Variants in ANKS1B observed in about 807,000 individuals in gnomAD.
ANKS1B encodes the protein ankyrin repeat and sterile alpha motif domain containing 1B, also known as ankyrin repeat and sterile alpha motif domain-containing protein 1B.
ANKS1B carries 36 observed loss-of-function variants against 148.3 expected under a neutral mutation model. The observed-to-expected ratio is 0.24, with a 90% CI of 0.19 to 0.32. ANKS1B has a LOEUF of 0.32. Among genes scored for constraint, ANKS1B ranks in the 10% least tolerant of loss-of-function variants. ANKS1B has a pLI of 1.00. For synonymous variants in ANKS1B, 542 were observed against 560.8 expected, an observed-to-expected ratio of 0.97 and a Z score of 0.47; for missense variants, 1,157 against 1,542.6, an observed-to-expected ratio of 0.75 and a Z score of 4.19.
chr12:99,534,191 T>C (rs1447824514), intron 9 of ANKS1B, among the ~76,000 whole-genome samples: 7 of 152,172 alleles, frequency 4.6e-5, no homozygotes, highest in Admixed American at 1.3e-4. Flanking sequence ...TATGAAAATA[T>C]GTTTTGGTAT....
intron 12 of ANKS1B, among the ~76,000 whole-genome samples, chr12:99,348,884 G>A (rs180928111): frequency 7.2e-4 from 110 of 152,008 alleles, no homozygotes; most frequent in Admixed American, 1.4e-3. Flanking sequence ...AACTACATAG[G>A]TGAATATAAC....
At chr12:99,494,508 C>T (rs113366944) in intron 10 of ANKS1B, among the ~76,000 whole-genome samples, 30,075 of 151,528 alleles carry the variant, frequency 0.2, 3,191 homozygotes, top group African/African-American at 0.28. Flanking sequence ...CCGAGGTGGG[C>T]GGGTTACGAG....
intron 8 of ANKS1B, among the ~76,000 whole-genome samples, chr12:99,685,533 G>C (rs1336376052): frequency 6.6e-6 from 1 of 152,106 alleles, no homozygotes; most frequent in Non-Finnish European, 1.5e-5. Context: ...AGTCCTTAAA[G>C]AACTAAAAGT....
At chr12:99,495,044 T>C (rs950864762) in intron 10 of ANKS1B, among the ~76,000 whole-genome samples, 1 of 152,016 alleles carries the variant, frequency 6.6e-6, no homozygotes, top group Non-Finnish European at 1.5e-5. Context: ...TATCTCAGGA[T>C]TGAGGAAAGC....
chr12:99,587,781 T>C (rs1325978203), intron 9 of ANKS1B, among the ~76,000 whole-genome samples: 2 of 152,268 alleles, frequency 1.3e-5, no homozygotes, highest in East Asian at 1.9e-4. Context: ...ATACCATAAG[T>C]AGTTTTACAT....
Position 98,745,048 on chromosome 12 carries a change from TTAATACAAGACACATTTTGCTG to T in ANKS1B, c.*669_*690del. 1 of 985,180 alleles carries T rather than the reference TTAATACAAGACACATTTTGCTG, an allele frequency of 1.0e-6. No homozygotes were observed. The highest frequency in any genetic ancestry group is 1.2e-6 in the Non-Finnish European group (1 of 829,332). 61.0% of individuals were successfully genotyped at this position (985,180 alleles called of 1,614,324 possible). On this transcript the variant is annotated 3_prime_UTR_variant, in exon 27 of 27. Transcript: ENST00000683438. Reference sequence around the variant, plus strand: ...TGAAACATTCTTTTAATAAAAATATTTAATACAAGACACATTTTGCTGTGCATAATAAATTCCTCTGCTTTGA... The same window carrying T: ...TGAAACATTCTTTTAATAAAAATATTTGCATAATAAATTCCTCTGCTTTGA...
At chr12:99,592,251 T>C (rs2097710154) in intron 9 of ANKS1B, among the ~76,000 whole-genome samples, 1 of 152,156 alleles carries the variant, frequency 6.6e-6, no homozygotes, top group Non-Finnish European at 1.5e-5. Context: ...GAAATGCTCT[T>C]TATTTTGCCA....
chr12:98,974,322 G>A (rs1282401072), intron 17 of ANKS1B, among the ~76,000 whole-genome samples: 1 of 152,036 alleles, frequency 6.6e-6, no homozygotes, highest in African/African-American at 2.4e-5. Flanking sequence ...TGAATGATTG[G>A]GGAAACTTAC....
intron 15 of ANKS1B, among the ~76,000 whole-genome samples, chr12:99,133,303 T>C (rs1021840612): frequency 3.3e-5 from 5 of 152,156 alleles, no homozygotes; most frequent in African/African-American, 1.2e-4. Context: ...TCCACCTGCC[T>C]CGGCCTCCCA....
chr12:99,785,990 A>T (rs150797445), intron 4 of ANKS1B, among the ~76,000 whole-genome samples: 1 of 152,222 alleles, frequency 6.6e-6, no homozygotes, highest in African/African-American at 2.4e-5. Flanking sequence ...TTCGGCTCTT[A>T]AGAAAATATT....
intron 8 of ANKS1B, among the ~76,000 whole-genome samples, chr12:99,761,959 A>C (rs2062166215): frequency 6.6e-6 from 1 of 152,020 alleles, no homozygotes; most frequent in African/African-American, 2.4e-5. Context: ...ACACACAAAA[A>C]ACGAAATACC....
intron 8 of ANKS1B, among the ~76,000 whole-genome samples, chr12:99,730,655 T>C (rs1423380289): frequency 1.3e-5 from 2 of 152,144 alleles, no homozygotes; most frequent in East Asian, 1.9e-4. Flanking sequence ...TATCCTTCCA[T>C]AGGATTACTC....
intron 25 of ANKS1B, among the ~76,000 whole-genome samples, chr12:98,758,933 C>CA (rs2098332751): frequency 7.0e-6 from 1 of 143,106 alleles, no homozygotes; most frequent in Non-Finnish European, 1.6e-5. Context: ...GGCGTGCACG[C>CA]CTGGCTAATT....
At chr12:99,752,428 G>A (rs1193648146) in intron 8 of ANKS1B, among the ~76,000 whole-genome samples, 3 of 151,170 alleles carry the variant, frequency 2.0e-5, no homozygotes, top group Admixed American at 6.6e-5. Flanking sequence ...TGCCTCAGTC[G>A]TTTTTTTTGT....
intron 10 of ANKS1B, among the ~76,000 whole-genome samples, chr12:99,452,800 G>A (rs1038017972): frequency 2.0e-5 from 3 of 152,092 alleles, no homozygotes; most frequent in Non-Finnish European, 2.9e-5. Flanking sequence ...TAAATATACC[G>A]GGTTTGAACT....
At chr12:99,679,169 C>T (rs1402624568) in intron 8 of ANKS1B, among the ~76,000 whole-genome samples, 1 of 152,148 alleles carries the variant, frequency 6.6e-6, no homozygotes, top group Non-Finnish European at 1.5e-5. Flanking sequence ...GGGATAAAAA[C>T]AAATGAAGAT....
At chr12:99,399,578 A>G (rs2094348201) in intron 12 of ANKS1B, 53 bp downstream of exon 12, 10 of 1,578,574 alleles carry the variant, frequency 6.3e-6, no homozygotes. Context: ...TCTAACTCAT[A>G]AATACTTCAG....
intron 15 of ANKS1B, among the ~76,000 whole-genome samples, chr12:99,102,735 T>A (rs532357368): frequency 2.6e-5 from 4 of 151,870 alleles, no homozygotes; most frequent in Admixed American, 6.6e-5. Context: ...CAGAGTAAGA[T>A]CCTGTCTCAA....
At chr12:98,809,863 C>T (rs2099080692) in intron 19 of ANKS1B, among the ~76,000 whole-genome samples, 1 of 152,052 alleles carries the variant, frequency 6.6e-6, no homozygotes, top group Admixed American at 6.6e-5. Context: ...ATGGTTTAGA[C>T]ACAACAACTG....
Sources: gnomAD v4.1 joint callset for allele counts (sites outside exome capture counted in the v4.1 genomes callset) on GRCh38, gnomAD v4.1.1 for gene constraint, MANE v1.5 for transcripts, NCBI Gene and HGNC (gene_info 2026-07-23, HGNC 2026-07-21) for gene names.